Variants in ARMH4 observed in about 807,000 individuals in gnomAD.
ARMH4 encodes armadillo-like helical domain-containing protein 4.
A neutral mutation model predicts 61.9 loss-of-function variants in ARMH4; 49 were observed. The ratio of observed to expected loss-of-function variants is 0.79; its 90% CI spans 0.63 to 1.00. The LOEUF (loss-of-function observed/expected upper bound fraction) is 1.00, where lower values mean the gene tolerates loss of function less well. ARMH4 is among the 50% of genes least tolerant of loss of function. ARMH4 has a pLI of 0.00. For synonymous variants in ARMH4, 368 were observed against 341.5 expected, an observed-to-expected ratio of 1.08 and a Z score of -0.85; for missense variants, 934 against 930.0, an observed-to-expected ratio of 1.00 and a Z score of -0.06.
intron 1 of ARMH4, among the ~76,000 whole-genome samples, chr14:58,149,862 G>C (rs887412104): frequency 6.6e-6 from 1 of 152,212 alleles, no homozygotes; most frequent in African/African-American, 2.4e-5. Flanking sequence ...TGCAATAGAA[G>C]ACATACTAGC....
At chr14:58,130,526 C>T (rs1887057124) in intron 4 of ARMH4, among the ~76,000 whole-genome samples, 1 of 152,212 alleles carries the variant, frequency 6.6e-6, no homozygotes, top group African/African-American at 2.4e-5. Context: ...CACTATAAAT[C>T]TCTGGACATT....
chr14:58,107,741 G>A (rs1886211190), intron 4 of ARMH4, among the ~76,000 whole-genome samples: 1 of 146,530 alleles, frequency 6.8e-6, no homozygotes, highest in Non-Finnish European at 1.5e-5. Context: ...TCCAGCTTGG[G>A]CGACAGAGCA....
rs79724958 is a variant in ARMH4 at position 58,092,053 on chromosome 14, C to T, written c.2089+4671G>A. 2.8e-3 allele frequency among the ~76,000 whole-genome samples: 427 copies of T among 152,324 alleles called. 3 individuals carry two copies. Among genetic ancestry groups the T allele is most frequent in the African/African-American group, 9.7e-3 (404 of 41,584 alleles). ...TTGCCTTAGAAAGTCATCTATGTTC[C>T]TGCTCTTGGCACTTCACAGGAAATG... is the stretch of plus-strand genomic sequence containing the variant. On this transcript the variant is annotated intron_variant, in intron 5 of 7. Coordinates refer to ENST00000267485, the MANE Select transcript of ARMH4 (RefSeq NM_001001872.4).
At position 58,140,275 on chromosome 14, in the gene ARMH4, C is replaced by CAAAA. The variant is rs143301335; in HGVS notation, c.-56-865_-56-862dup. 7.6e-4 allele frequency among the ~76,000 whole-genome samples: 100 copies of CAAAA among 131,354 alleles called. 1 individual carries two copies. The highest frequency in any genetic ancestry group is 4.3e-3 in the Middle Eastern group (1 of 230). The allele number at this position is 131,354 out of a possible 152,430, so 86.2% of individuals were successfully genotyped here. ...AGGCAACAAGAGCAAAACTCCATCTCAAAAAAAAAAAAGAGAGACCCCAGG... is the reference window on the plus strand; with the variant it reads ...AGGCAACAAGAGCAAAACTCCATCTCAAAAAAAAAAAAAAAAGAGAGACCCCAGG... On this transcript the variant is annotated intron_variant, in intron 1 of 7. Coordinates refer to ENST00000267485, the MANE Select transcript of ARMH4 (RefSeq NM_001001872.4).
At chr14:58,059,471 C>T (rs1884460326) in intron 5 of ARMH4, among the ~76,000 whole-genome samples, 1 of 152,184 alleles carries the variant, frequency 6.6e-6, no homozygotes, top group African/African-American at 2.4e-5. Flanking sequence ...TAATTAAAGT[C>T]AACATTTTTG....
chr14:58,010,441 G>C lies in ARMH4; in HGVS notation c.2121+1678C>G, dbSNP rs957022760. ...GCAGGGAATATGGGGAAGATTTAAA[G>C]AGTTCCTCCAAGAGTCAAAAGATGA... On this transcript the variant is annotated intron_variant, in intron 6 of 7. Coordinates refer to ENST00000267485, the MANE Select transcript of ARMH4 (RefSeq NM_001001872.4). Among the ~76,000 whole-genome samples the C allele has an allele frequency of 2.0e-5, 3 of 152,076 alleles. No individual in the cohort carries two copies. The East Asian group carries it at 5.8e-4, about 29-fold the overall frequency.
intron 4 of ARMH4, among the ~76,000 whole-genome samples, chr14:58,111,324 A>T (rs1234454320): frequency 6.6e-6 from 1 of 152,236 alleles, no homozygotes; most frequent in Admixed American, 6.5e-5. Context: ...CCATATCATC[A>T]TCTTAAAAGG....
chr14:58,132,467 C>CG (rs1014294535), intron 3 of ARMH4, among the ~76,000 whole-genome samples: 3 of 152,086 alleles, frequency 2.0e-5, no homozygotes, highest in African/African-American at 7.2e-5. Flanking sequence ...CTCATCCCCC[C>CG]CGGCTCCTAG....
At chr14:58,021,639 T>A (rs1882834129) in intron 5 of ARMH4, among the ~76,000 whole-genome samples, 1 of 152,122 alleles carries the variant, frequency 6.6e-6, no homozygotes, top group Admixed American at 6.5e-5. Flanking sequence ...CATAAAATTA[T>A]CCATCACAGA....
intron 4 of ARMH4, among the ~76,000 whole-genome samples, chr14:58,098,580 A>G (rs1454846306): frequency 6.6e-6 from 1 of 152,230 alleles, no homozygotes; most frequent in Non-Finnish European, 1.5e-5. Flanking sequence ...CCACACCAAA[A>G]TAATGCATTC....
intron 5 of ARMH4, among the ~76,000 whole-genome samples, chr14:58,077,208 T>C (rs548811857): frequency 1.3e-5 from 2 of 152,352 alleles, no homozygotes; most frequent in African/African-American, 4.8e-5. Flanking sequence ...ACACACTGGT[T>C]ACAAAAGGGT....
intron 1 of ARMH4, among the ~76,000 whole-genome samples, chr14:58,147,261 T>C (rs917915079): frequency 1.3e-5 from 2 of 152,128 alleles, no homozygotes; most frequent in Non-Finnish European, 2.9e-5. Flanking sequence ...TGCCTCTTCA[T>C]TGATAACCTT....
intron 5 of ARMH4, among the ~76,000 whole-genome samples, chr14:58,055,563 T>C (rs1288431737): frequency 6.6e-6 from 1 of 152,230 alleles, no homozygotes; most frequent in African/African-American, 2.4e-5. Flanking sequence ...TTAAGTGTCA[T>C]GTAAATGGGA....
chr14:58,129,448 C>A (rs1386828163), intron 4 of ARMH4, among the ~76,000 whole-genome samples: 3 of 152,094 alleles, frequency 2.0e-5, no homozygotes, highest in African/African-American at 7.2e-5. Flanking sequence ...AAACTCATCA[C>A]AAAGACTAAA....
rs932097528 is a variant in ARMH4, at chr14:58,004,484, T to C, written c.*252A>G. 6.0e-6 allele frequency: 2 copies of C among 332,494 alleles called. No individual in the cohort carries two copies. Among genetic ancestry groups the C allele is most frequent in the Non-Finnish European group, 1.1e-5 (2 of 180,498 alleles). The allele number at this position is 332,494 out of a possible 1,614,324, so 20.6% of individuals were successfully genotyped here. A position where few individuals can be genotyped will look rare whatever the true frequency, so the allele number is the denominator to read the frequency against. ...CCTACTGAAAAACATATATGTTGCA[T>C]ATTTATGAGTTGTAGCCCACGGTTG... On this transcript the variant is annotated 3_prime_UTR_variant, in exon 8 of 8. Coordinates refer to ENST00000267485, the MANE Select transcript of ARMH4 (RefSeq NM_001001872.4).
At chr14:58,129,284 C>T (rs769941824) in intron 4 of ARMH4, among the ~76,000 whole-genome samples, 3 of 152,130 alleles carry the variant, frequency 2.0e-5, no homozygotes, top group South Asian at 2.1e-4. Flanking sequence ...AACAGAGCTG[C>T]GGATTCAGAA....
intron 5 of ARMH4, among the ~76,000 whole-genome samples, chr14:58,092,496 G>A (rs1024745900): frequency 6.6e-6 from 1 of 152,182 alleles, no homozygotes; most frequent in Non-Finnish European, 1.5e-5. Flanking sequence ...ACAAACTTCA[G>A]ATAACACAAA....
rs887285375 is a variant in ARMH4 at position 58,002,396 on chromosome 14, G to A, written c.*2340C>T. The A allele has an allele frequency of 2.0e-5, 3 of 152,032 alleles. No homozygotes were observed. Among genetic ancestry groups the A allele is most frequent in the Non-Finnish European group, 4.4e-5 (3 of 68,022 alleles). 9.4% of individuals were successfully genotyped at this position (152,032 alleles called of 1,614,324 possible). On this transcript the variant is annotated 3_prime_UTR_variant, in exon 8 of 8. Coordinates refer to ENST00000267485, the MANE Select transcript of ARMH4 (RefSeq NM_001001872.4). ...TTAAGAAATCATGTGTCCCAAAAAG[G>A]ACCACAGAGATACTGTGTTAAGCCA...
intron 5 of ARMH4, among the ~76,000 whole-genome samples, chr14:58,045,603 A>G (rs1049626855): frequency 3.3e-5 from 5 of 151,828 alleles, no homozygotes; most frequent in Admixed American, 6.6e-5. Context: ...CTAGAACTTA[A>G]AGTATAATAA....
Sources: gnomAD v4.1 joint callset for allele counts (sites outside exome capture counted in the v4.1 genomes callset) on GRCh38, gnomAD v4.1.1 for gene constraint, MANE v1.5 for transcripts, NCBI Gene and HGNC (gene_info 2026-07-23, HGNC 2026-07-21) for gene names.